ZNF525: variants seen among roughly 807,000 people sequenced by gnomAD.
ZNF525 encodes zinc finger protein 525.
A neutral mutation model predicts 37.6 loss-of-function variants in ZNF525; 33 were observed. That is an observed-to-expected ratio of 0.88 (90% confidence interval 0.67 to 1.17). The LOEUF is 1.17. ZNF525 is among the 50% of genes most tolerant of loss of function. The probability of loss-of-function intolerance (pLI) is 0.00; values close to 1 mark genes in which losing one functional copy is unlikely to be tolerated. For synonymous variants in ZNF525, 170 were observed against 182.3 expected (o/e 0.93, Z 0.54); for missense variants, 449 against 543.1 (o/e 0.83, Z 1.72).
intron 3 of ZNF525, 66 bp downstream of exon 3, chr19:53,375,962 T>C (rs1448278664): frequency 5.6e-6 from 9 of 1,610,102 alleles, no homozygotes; most frequent in Non-Finnish European, 3.4e-6. Flanking sequence ...TCTCTTTTTT[T>C]AGATAGAGTA....
At chr19:53,374,631 T>G (rs921992230) in intron 2 of ZNF525, among the ~76,000 whole-genome samples, 1 of 152,236 alleles carries the variant, frequency 6.6e-6, no homozygotes, top group South Asian at 2.1e-4. Context: ...TATACAAAAC[T>G]TGCTATTTTA....
chr19:53,374,786 G>GT (rs2085510388), intron 2 of ZNF525, among the ~76,000 whole-genome samples: 1 of 151,986 alleles, frequency 6.6e-6, no homozygotes, highest in Non-Finnish European at 1.5e-5. Flanking sequence ...TTAACATCTA[G>GT]TTTTTTTGTG....
chr19:53,382,383 AATGGAG>A lies in ZNF525; in HGVS notation c.*366_*371del. 9.2e-7 allele frequency: 1 copy of A among 1,089,580 alleles called. No homozygotes were observed. The highest frequency in any genetic ancestry group is 1.2e-5 in the South Asian group (1 of 80,476). The allele number at this position is 1,089,580 out of a possible 1,614,324, so 67.5% of individuals were successfully genotyped here. A position where few individuals can be genotyped will look rare whatever the true frequency, so the allele number is the denominator to read the frequency against. ...TCTTGAAAGACATAGGAGAATTCAT[AATGGAG>A]AGAAACCGTACAAGTGTAATGAGTG... On this transcript the variant is annotated 3_prime_UTR_variant, in exon 4 of 4. Coordinates refer to ENST00000474037, the MANE Select transcript of ZNF525 (RefSeq NM_001348156.2).
intron 1 of ZNF525, among the ~76,000 whole-genome samples, chr19:53,367,851 T>C (rs2085459131): frequency 1.3e-5 from 2 of 152,218 alleles, no homozygotes; most frequent in African/African-American, 4.8e-5. Context: ...ACTGGGCCAG[T>C]TTCATTAGTG....
rs571436049 is a variant in ZNF525 at position 53,366,264 on chromosome 19, A to G, written c.-68+505A>G. Among the ~76,000 whole-genome samples, 28 of 113,344 alleles carry G rather than the reference A, an allele frequency of 2.5e-4. 9 individuals carry two copies. The highest frequency in any genetic ancestry group is 3.2e-4 in the Non-Finnish European group (14 of 44,232). 74.4% of individuals were successfully genotyped at this position (113,344 alleles called of 152,430 possible). A position where few individuals can be genotyped will look rare whatever the true frequency, so the allele number is the denominator to read the frequency against. Reference sequence around the variant, plus strand: ...GCTGCTCCCCAGGTCTCCCATCCGCAGTCACAGCTTGCCCTGAGCCTGCGT... The same window carrying G: ...GCTGCTCCCCAGGTCTCCCATCCGCGGTCACAGCTTGCCCTGAGCCTGCGT... On this transcript the variant is annotated intron_variant, in intron 1 of 3. Transcript: ENST00000474037.
At chr19:53,366,813 G>C (rs1255193189) in intron 1 of ZNF525, among the ~76,000 whole-genome samples, 1 of 145,794 alleles carries the variant, frequency 6.9e-6, no homozygotes, top group African/African-American at 2.7e-5. Context: ...GTATAACAGA[G>C]AAGAGAGAAT....
intron 3 of ZNF525, among the ~76,000 whole-genome samples, chr19:53,379,957 A>G (rs926978787): frequency 3.3e-5 from 5 of 152,172 alleles, no homozygotes; most frequent in Non-Finnish European, 7.3e-5. Flanking sequence ...AGCTGAGATC[A>G]GGCCATTGCC....
At chr19:53,373,715 A>G (rs2085503318) in intron 2 of ZNF525, among the ~76,000 whole-genome samples, 1 of 151,926 alleles carries the variant, frequency 6.6e-6, no homozygotes, top group African/African-American at 2.4e-5. Flanking sequence ...CCAGCTACTC[A>G]GGAGGCTGAG....
chr19:53,386,351 A>G lies in ZNF525; in HGVS notation c.*4332A>G. ...GGTAATAAAATCAGGTACGACTCCAAAAGGAGACATTGGAGAAGAACCAAG... is the reference window on the plus strand; with the variant it reads ...GGTAATAAAATCAGGTACGACTCCAGAAGGAGACATTGGAGAAGAACCAAG... On this transcript the variant is annotated 3_prime_UTR_variant, in exon 4 of 4. Transcript: ENST00000474037. 2.4e-6 allele frequency: 2 copies of G among 829,636 alleles called. No homozygotes were observed. Among genetic ancestry groups the G allele is most frequent in the Non-Finnish European group, 4.1e-6 (2 of 491,426 alleles). 51.4% of individuals were successfully genotyped at this position (829,636 alleles called of 1,614,324 possible).
At chr19:53,377,352 T>C (rs2085529573) in intron 3 of ZNF525, among the ~76,000 whole-genome samples, 1 of 151,922 alleles carries the variant, frequency 6.6e-6, no homozygotes, top group Non-Finnish European at 1.5e-5. Context: ...TAATTTTGTA[T>C]TTTAATAGAC....
In ZNF525 at chr19:53,382,758, T is replaced by A; in HGVS notation, c.*739T>A. 1 of 913,080 alleles carries A rather than the reference T, an allele frequency of 1.1e-6. No homozygotes were observed. The highest frequency in any genetic ancestry group is 1.8e-6 in the Non-Finnish European group (1 of 566,698). The allele number at this position is 913,080 out of a possible 1,614,324, so 56.6% of individuals were successfully genotyped here. On this transcript the variant is annotated 3_prime_UTR_variant, in exon 4 of 4. Transcript: ENST00000474037. ...AAGTGTGATAAATGTGACAAATTTTTCAGACATCGTTCATACCTTGCAGTT... is the reference window on the plus strand; with the variant it reads ...AAGTGTGATAAATGTGACAAATTTTACAGACATCGTTCATACCTTGCAGTT...
At chr19:53,372,388 G>C (rs925261400) in intron 2 of ZNF525, 92 bp downstream of exon 2, 4 of 737,274 alleles carry the variant, frequency 5.4e-6, no homozygotes, top group Non-Finnish European at 9.9e-6. Flanking sequence ...GAAGCTTCCT[G>C]CCTGACAGGT....
Position 53,380,782 on chromosome 19 carries a change from T to G in ZNF525, c.203T>G (p.Val68Gly). 7.2e-7 allele frequency: 1 copy of G among 1,392,340 alleles called. No homozygotes were observed. The highest frequency in any genetic ancestry group is 1.0e-6 in the Non-Finnish European group (1 of 978,600). 86.2% of individuals were successfully genotyped at this position (1,392,340 alleles called of 1,614,324 possible). Residue 68 changes from valine to glycine, a missense_variant, in exon 4 of 4, where the codon GTG becomes GGG. Physicochemically the swap from Val to Gly is moderately radical, Grantham distance 109. Around this residue, in one of 2 missense-constraint regions of ZNF525, gnomAD observed 271 missense variants for 381.6 expected, o/e 0.71. Transcript: ENST00000474037. ...TCAACAGCACAAGGCAATACAGAAG[T>G]GATCCACACAGGGACATTGCAAAGA... ...FSSTAQGNTE[V>G]IHTGTLQRHE...
chr19:53,380,092 AAT>A (rs1397313090), intron 3 of ZNF525, among the ~76,000 whole-genome samples: 1 of 152,050 alleles, frequency 6.6e-6, no homozygotes, highest in Non-Finnish European at 1.5e-5. Flanking sequence ...TATTCAGAAA[AAT>A]ATTTTTTTTT....
rs2085579611 is a variant in ZNF525 at position 53,383,131 on chromosome 19, T to C, written c.*1112T>C. The stretch of plus-strand genomic sequence containing the variant: ...CACACCTTGCACGTCATCATAGAAC[T>C]CATACTGGAGAGAAACATTACAAGT... On this transcript the variant is annotated 3_prime_UTR_variant, in exon 4 of 4. Transcript: ENST00000474037. The C allele has an allele frequency of 2.3e-6, 3 of 1,324,922 alleles. No homozygotes were observed. In the East Asian group the frequency reaches 8.0e-5, roughly 35 times the overall value. The allele number at this position is 1,324,922 out of a possible 1,614,324, so 82.1% of individuals were successfully genotyped here.
Position 53,386,236 on chromosome 19 carries a change from T to A in ZNF525, c.*4217T>A, listed in dbSNP as rs2085606059. 1.5e-6 allele frequency: 1 copy of A among 649,910 alleles called. No homozygotes were observed. The highest frequency in any genetic ancestry group is 1.8e-5 in the African/African-American group (1 of 54,218). The allele number at this position is 649,910 out of a possible 1,614,324, so 40.3% of individuals were successfully genotyped here. On this transcript the variant is annotated 3_prime_UTR_variant, in exon 4 of 4. Coordinates refer to ENST00000474037, the MANE Select transcript of ZNF525 (RefSeq NM_001348156.2). ...GTGCTTGACTCTGCTTCTTGCCACA[T>A]CTTCTCAGAAGACTTTCAGGATTAA...
rs1266090466 is a variant in ZNF525, at chr19:53,385,207, A to G, written c.*3188A>G. On this transcript the variant is annotated 3_prime_UTR_variant, in exon 4 of 4. Coordinates refer to ENST00000474037, the MANE Select transcript of ZNF525 (RefSeq NM_001348156.2). Reference sequence around the variant, plus strand: ...TCTTCAAGAAGTTCTGGAAAAATACATATTATGAGAAAATTGTGCATGAAT... The same window carrying G: ...TCTTCAAGAAGTTCTGGAAAAATACGTATTATGAGAAAATTGTGCATGAAT... 3 of 487,942 alleles carry G rather than the reference A, an allele frequency of 6.1e-6. No individual in the cohort carries two copies. The highest frequency in any genetic ancestry group is 1.1e-5 in the Non-Finnish European group (3 of 277,610). The allele number at this position is 487,942 out of a possible 1,614,324, so 30.2% of individuals were successfully genotyped here.
intron 1 of ZNF525, among the ~76,000 whole-genome samples, chr19:53,367,091 G>T (rs2085453489): frequency 1.3e-5 from 2 of 152,054 alleles, no homozygotes; most frequent in South Asian, 2.1e-4. Flanking sequence ...CCTTGTAGCT[G>T]CATTGAAAGA....
chr19:53,381,325 A>G lies in ZNF525; in HGVS notation c.746A>G (p.Asp249Gly), dbSNP rs1424247590. 6.5e-7 allele frequency: 1 copy of G among 1,529,026 alleles called. No homozygotes were observed. The highest frequency in any genetic ancestry group is 1.4e-5 in the African/African-American group (1 of 73,396). The allele number at this position is 1,529,026 out of a possible 1,614,324, so 94.7% of individuals were successfully genotyped here. A position where few individuals can be genotyped will look rare whatever the true frequency, so the allele number is the denominator to read the frequency against. Residue 249 changes from aspartate (D) to glycine (G), a missense_variant, in exon 4 of 4, where the codon GAC (aspartate) becomes GGC (glycine). This residue lies in a region of ZNF525 where 271 missense variants were observed against 381.6 expected (regional missense o/e 0.71). Coordinates refer to ENST00000474037, the MANE Select transcript of ZNF525 (RefSeq NM_001348156.2). ...AAACAATATAAATGTGATGTATGTG[A>G]CAAGGTCTTTATTCGGAAGCGATAC... Reference protein sequence around the residue: ...GEKQYKCDVCDKVFIRKRYLA... With the variant: ...GEKQYKCDVCGKVFIRKRYLA...
Sources: allele counts gnomAD v4.1 joint callset (sites outside exome capture counted in the v4.1 genomes callset), GRCh38; gene constraint gnomAD v4.1.1; regional missense constraint gnomAD v4.1.1; transcripts MANE v1.5; gene names NCBI Gene and HGNC (gene_info 2026-07-23, HGNC 2026-07-21).